TMEM106A: variants seen among roughly 807,000 people sequenced by gnomAD.
The protein encoded by TMEM106A is transmembrane protein 106A.
TMEM106A carries 22 observed loss-of-function variants against 25.1 expected under a neutral mutation model. The ratio of observed to expected loss-of-function variants is 0.88; its 90% CI spans 0.63 to 1.25. The LOEUF (loss-of-function observed/expected upper bound fraction) is 1.25. Among genes scored for constraint, TMEM106A ranks in the 50% most tolerant of loss-of-function variants. TMEM106A has a pLI of 0.00. For missense variants in TMEM106A, 275 were observed against 318.1 expected (o/e 0.86, Z 1.03); for synonymous variants, 104 against 129.9 (o/e 0.80, Z 1.35).
intron 3 of TMEM106A, 42 bp from the exon 4 acceptor site, chr17:43,213,786 C>A (rs971397186): frequency 1.9e-6 from 3 of 1,597,936 alleles, no homozygotes; most frequent in Non-Finnish European, 2.6e-6. Flanking sequence ...ATATTTGTCA[C>A]AGTTGCATCT....
intron 4 of TMEM106A, among the ~76,000 whole-genome samples, chr17:43,214,731 A>G (rs769907452): frequency 1.3e-5 from 2 of 151,890 alleles, no homozygotes; most frequent in Admixed American, 6.6e-5. Flanking sequence ...AGGCCAAGAC[A>G]GGCGGATCAC....
chr17:43,215,776 G>C lies in TMEM106A; in HGVS notation c.276-12G>C, dbSNP rs762480541. 11 of 1,613,120 alleles carry C rather than the reference G, an allele frequency of 6.8e-6. No individual in the cohort carries two copies. Among genetic ancestry groups the C allele is most frequent in the South Asian group, 4.4e-5 (4 of 91,044 alleles). Reference sequence around the variant, plus strand: ...TTTCCATTCCTCCATCCTGGGTCCTGCTTTCCCACAGGAAGCTCTTTGTGT... The same window carrying C: ...TTTCCATTCCTCCATCCTGGGTCCTCCTTTCCCACAGGAAGCTCTTTGTGT... On this transcript the variant is annotated splice_polypyrimidine_tract_variant and intron_variant, in intron 4 of 8. Coordinates refer to ENST00000612339, the MANE Select transcript of TMEM106A (RefSeq NM_145041.4).
chr17:43,216,479 T>C lies in TMEM106A; in HGVS notation c.460T>C (p.Tyr154His), dbSNP rs1567876774. ...CTTAAACATCTCCAATGGCAACTAC[T>C]ACCCCATTATGGTGACACAGCTGAC... ...NILNISNGNY[Y>H]PIMVTQLTLE... Residue 154 changes from tyrosine to histidine, a missense_variant, in exon 6 of 9, where the codon TAC becomes CAC. Transcript: ENST00000612339. 3 of 1,614,106 alleles carry C rather than the reference T, an allele frequency of 1.9e-6. No homozygotes were observed. Among genetic ancestry groups the C allele is most frequent in the Non-Finnish European group, 2.5e-6 (3 of 1,180,050 alleles).
At chr17:43,213,734 T>C in intron 3 of TMEM106A, 94 bp from the exon 4 acceptor site, 3 of 1,217,472 alleles carry the variant, frequency 2.5e-6, no homozygotes, top group Non-Finnish European at 3.6e-6. Context: ...CATTGCTCTA[T>C]GGTGTGGGTG....
chr17:43,216,448 G>T lies in TMEM106A; in HGVS notation c.430-1G>T. ...CTCCCTTCCCTTGTCTTCATCCCCA[G>T]AATATCTTAAACATCTCCAATGGCA... On this transcript the variant is annotated splice_acceptor_variant, in intron 5 of 8. Coordinates refer to ENST00000612339, the MANE Select transcript of TMEM106A (RefSeq NM_145041.4). LOFTEE classifies it high-confidence loss of function. 6.2e-7 allele frequency: 1 copy of T among 1,613,716 alleles called. No individual in the cohort carries two copies.
chr17:43,212,885 C>T (rs1598029648), intron 2 of TMEM106A, 136 bp from the exon 3 acceptor site: 1 of 644,828 alleles, frequency 1.6e-6, no homozygotes, highest in East Asian at 2.8e-5. Context: ...CAGTTTTTCA[C>T]ATCCTATCTT....
Position 43,218,016 on chromosome 17 carries a change from A to AG in TMEM106A, c.*219dup, listed in dbSNP as rs1161879883. On this transcript the variant is annotated 3_prime_UTR_variant, in exon 9 of 9. Transcript: ENST00000612339. ...CCTCCAGTTTCCCCCAGATTCTTTC[A>AG]GGGGCTGCCATCAGATTCTGCCCTT... 5 of 631,026 alleles carry AG rather than the reference A, an allele frequency of 7.9e-6. No homozygotes were observed. Among genetic ancestry groups the AG allele is most frequent in the Non-Finnish European group, 1.0e-5 (4 of 384,492 alleles). 39.1% of individuals were successfully genotyped at this position (631,026 alleles called of 1,614,324 possible). A position where few individuals can be genotyped will look rare whatever the true frequency, so the allele number is the denominator to read the frequency against.
intron 4 of TMEM106A, 104 bp from the exon 5 acceptor site, chr17:43,215,684 G>A: frequency 7.8e-7 from 1 of 1,288,500 alleles, no homozygotes; most frequent in Non-Finnish European, 1.1e-6. Flanking sequence ...GTAGTGTGCA[G>A]GGGAAAGCTT....
chr17:43,213,637 T>C (rs1466482361), intron 3 of TMEM106A, among the ~76,000 whole-genome samples, 191 bp from the exon 4 acceptor site: 2 of 152,238 alleles, frequency 1.3e-5, no homozygotes, highest in Non-Finnish European at 2.9e-5. Context: ...ACTTCCATTC[T>C]AGAGATGGCA....
At chr17:43,216,852 T>A (rs962393144) in intron 7 of TMEM106A, 112 bp downstream of exon 7, 6 of 1,382,298 alleles carry the variant, frequency 4.3e-6, no homozygotes, top group Non-Finnish European at 6.2e-6. Context: ...GCATCTGGCC[T>A]GCCCTCCCAT....
intron 7 of TMEM106A, 40 bp from the exon 8 acceptor site, chr17:43,217,219 T>C (rs375149576): frequency 5.0e-6 from 8 of 1,609,206 alleles, no homozygotes; most frequent in Non-Finnish European, 6.8e-6. Context: ...GGCTGCTCCA[T>C]GTGACACGTG....
At chr17:43,213,366 C>G in intron 3 of TMEM106A, 114 bp downstream of exon 3, 4 of 1,100,444 alleles carry the variant, frequency 3.6e-6, no homozygotes, top group Non-Finnish European at 4.0e-6. Context: ...GCTCCCAGCT[C>G]TTGACCTCCC....
At chr17:43,215,691 G>C in intron 4 of TMEM106A, 97 bp from the exon 5 acceptor site, 1 of 1,365,696 alleles carries the variant, frequency 7.3e-7, no homozygotes, top group Non-Finnish European at 1.0e-6. Context: ...GCAGGGGAAA[G>C]CTTTGTATAT....
At position 43,217,807 on chromosome 17, in the gene TMEM106A, C is replaced by G. The variant is rs1183462961; in HGVS notation, c.*6C>G. 1 of 1,614,084 alleles carries G rather than the reference C, an allele frequency of 6.2e-7. No homozygotes were observed. Among genetic ancestry groups the G allele is most frequent in the South Asian group, 1.1e-5 (1 of 91,080 alleles). ...TGACCCCTCACCCACCATGACCTGT[C>G]TGCTGTCCCTGTACTCCAGGCACCT... On this transcript the variant is annotated 3_prime_UTR_variant, in exon 9 of 9. Coordinates refer to ENST00000612339, the MANE Select transcript of TMEM106A (RefSeq NM_145041.4).
At chr17:43,212,854 T>C (rs2057447163) in intron 2 of TMEM106A, among the ~76,000 whole-genome samples, 167 bp from the exon 3 acceptor site, 1 of 152,222 alleles carries the variant, frequency 6.6e-6, no homozygotes, top group Non-Finnish European at 1.5e-5. Context: ...TTGAGACTTC[T>C]GAGAGTCCCA....
intron 7 of TMEM106A, 159 bp from the exon 8 acceptor site, chr17:43,217,100 A>T: frequency 3.9e-6 from 3 of 765,064 alleles, no homozygotes; most frequent in Non-Finnish European, 6.9e-6. Flanking sequence ...TGCTACACTC[A>T]CCTGAAGGGT....
At chr17:43,213,497 T>G (rs1029155296) in intron 3 of TMEM106A, among the ~76,000 whole-genome samples, 1 of 152,224 alleles carries the variant, frequency 6.6e-6, no homozygotes, top group Non-Finnish European at 1.5e-5. Flanking sequence ...CCACTGTGCT[T>G]CTGAGCAACA....
chr17:43,216,892 G>T (rs984088638), intron 7 of TMEM106A, 152 bp downstream of exon 7: 1 of 999,714 alleles, frequency 1.0e-6, no homozygotes, highest in Non-Finnish European at 1.5e-6. Flanking sequence ...AAGGGTTCAG[G>T]GTCCCCAGCC....
At position 43,219,567 on chromosome 17, in the gene TMEM106A, G is replaced by C. The variant is rs891016167; in HGVS notation, c.*1766G>C. 4 of 148,810 alleles carry C rather than the reference G, an allele frequency of 2.7e-5. No homozygotes were observed. The highest frequency in any genetic ancestry group is 1.0e-4 in the African/African-American group (4 of 40,146). 9.2% of individuals were successfully genotyped at this position (148,810 alleles called of 1,614,324 possible). ...TGAGCAGCAACATTAGCAAGACCCC[G>C]TTTAAAAAAAAAAAAAGAGCTGGGC... On this transcript the variant is annotated 3_prime_UTR_variant, in exon 9 of 9. Transcript: ENST00000612339.
Sources: allele counts gnomAD v4.1 joint callset (sites outside exome capture counted in the v4.1 genomes callset), GRCh38; gene constraint gnomAD v4.1.1; transcripts MANE v1.5; gene names NCBI Gene and HGNC (gene_info 2026-07-23, HGNC 2026-07-21).